The following GP6 variants were observed in gnomAD, a reference collection of about 807,000 sequenced individuals.
GP6 encodes platelet glycoprotein VI.
Under a neutral mutation model 37.3 loss-of-function variants are expected in GP6, and 45 were observed. The ratio of observed to expected loss-of-function variants is 1.21; its 90% CI spans 0.95 to 1.55. GP6 has a LOEUF of 1.55. GP6 is among the 40% of genes most tolerant of loss of function. The probability of loss-of-function intolerance (pLI) is 0.00; values close to 1 mark genes in which losing one functional copy is unlikely to be tolerated. For synonymous variants in GP6, 340 were observed against 316.4 expected (o/e 1.07, Z -0.79); for missense variants, 813 against 760.2 (o/e 1.07, Z -0.82).
At position 55,025,228 on chromosome 19, in the gene GP6, G is replaced by A. The variant is rs539172883; in HGVS notation, c.654C>T (p.Ser218=). ...CCCTGCAGAACCTACCTGCTACCGG[G>A]GAAGGTGGTTCTGTTGGTAACCGGC... is the stretch of plus-strand genomic sequence containing the variant. Residue 218 remains serine, a synonymous_variant, in exon 5 of 8, where the codon TCC becomes TCT. Coordinates refer to ENST00000310373, the MANE Select transcript of GP6 (RefSeq NM_001083899.2). 9.7e-6 allele frequency: 15 copies of A among 1,544,864 alleles called. No individual in the cohort carries two copies. The African/African-American group carries it at 1.9e-4, about 20-fold the overall frequency.
At chr19:55,015,771 A>G (rs752549392) in intron 6 of GP6, 38 bp from the exon 7 acceptor site, 1 of 1,098,634 alleles carries the variant, frequency 9.1e-7, no homozygotes, top group Non-Finnish European at 1.4e-6. Flanking sequence ...AAATGAAACC[A>G]TATTCCCGCC....
At chr19:55,016,609 T>C (rs996720428) in intron 6 of GP6, among the ~76,000 whole-genome samples, 7 of 151,752 alleles carry the variant, frequency 4.6e-5, no homozygotes, top group African/African-American at 1.7e-4. Flanking sequence ...CTCCTGACCT[T>C]GTGATCCGCC....
intron 5 of GP6, among the ~76,000 whole-genome samples, chr19:55,021,016 CA>C (rs2074056838): frequency 7.2e-6 from 1 of 139,534 alleles, no homozygotes; most frequent in Admixed American, 7.7e-5. Flanking sequence ...CATGCCCCTG[CA>C]ATCCAGCCTG....
chr19:55,021,078 C>T (rs1382144479), intron 5 of GP6, among the ~76,000 whole-genome samples: 1 of 131,918 alleles, frequency 7.6e-6, no homozygotes. Flanking sequence ...AAAAAGGTGG[C>T]CCTGGTGCGG....
chr19:55,014,586 T>C lies in GP6; in HGVS notation c.1359A>G (p.Gly453=), dbSNP rs2073780147. ...CCCTGAGAGCTGGGAACCTTAGAGA[T>C]CCGTCTGGAGCCCATATTAGAGAGG... The change falls in exon 8 of 8, where the codon GGA becomes GGG. Residue 453 remains glycine (G), a synonymous_variant. Coordinates refer to ENST00000310373, the MANE Select transcript of GP6 (RefSeq NM_001083899.2). The C allele has an allele frequency of 1.2e-6, 2 of 1,613,240 alleles. No individual in the cohort carries two copies. The highest frequency in any genetic ancestry group is 3.3e-5 in the Admixed American group (2 of 59,938).
At chr19:55,028,803 C>T (rs981903883) in intron 3 of GP6, among the ~76,000 whole-genome samples, 5 of 152,254 alleles carry the variant, frequency 3.3e-5, no homozygotes, top group South Asian at 2.1e-4. Context: ...TGTCATAGAC[C>T]GGTGTGGTGA....
At chr19:55,024,300 G>GCATGCACA (rs1568612731) in intron 5 of GP6, among the ~76,000 whole-genome samples, 1,923 of 121,884 alleles carry the variant, frequency 0.016, 65 homozygotes, top group African/African-American at 0.054. Flanking sequence ...ATGCACGCAT[G>GCATGCACA]CACACACATA....
chr19:55,035,103 G>A (rs145073281), intron 1 of GP6, among the ~76,000 whole-genome samples: 7 of 152,268 alleles, frequency 4.6e-5, no homozygotes, highest in Non-Finnish European at 7.4e-5. Context: ...ATAATCGTAC[G>A]GGTTACCCAC....
chr19:55,021,609 C>T (rs1008466957), intron 5 of GP6, among the ~76,000 whole-genome samples: 19 of 150,604 alleles, frequency 1.3e-4, no homozygotes, highest in Non-Finnish European at 2.2e-4. Context: ...CAACCTCCGC[C>T]TCCCGGGTTC....
chr19:55,020,150 T>C (rs535206030), intron 5 of GP6, among the ~76,000 whole-genome samples: 6 of 151,052 alleles, frequency 4.0e-5, no homozygotes, highest in East Asian at 2.0e-4. Flanking sequence ...ATAATGAGAG[T>C]GTGGGTATTA....
chr19:55,027,605 T>G lies in GP6; in HGVS notation c.583A>C (p.Ser195Arg). ...GTGACCACAAGCTCCAGGGGGTCGCTGGGGGCTGACCACAGGTATGGGTCC... is the reference window on the plus strand; with the variant it reads ...GTGACCACAAGCTCCAGGGGGTCGCGGGGGGCTGACCACAGGTATGGGTCC... The change falls in exon 4 of 8, where the codon AGC becomes CGC. Residue 195 changes from serine to arginine, a missense_variant. Ser to Arg is a moderately radical substitution (Grantham distance 110, BLOSUM62 -1). Coordinates refer to ENST00000310373, the MANE Select transcript of GP6 (RefSeq NM_001083899.2). The G allele has an allele frequency of 6.2e-7, 1 of 1,613,232 alleles. No individual in the cohort carries two copies. The highest frequency in any genetic ancestry group is 8.5e-7 in the Non-Finnish European group (1 of 1,179,256).
chr19:55,020,876 C>T (rs1285049512), intron 5 of GP6, among the ~76,000 whole-genome samples: 1 of 151,078 alleles, frequency 6.6e-6, no homozygotes, highest in Admixed American at 6.6e-5. Context: ...CATGGTGAAA[C>T]TCCCGTCTCT....
intron 1 of GP6, among the ~76,000 whole-genome samples, chr19:55,037,188 A>G (rs2074862556): frequency 6.6e-6 from 1 of 152,132 alleles, no homozygotes; most frequent in Non-Finnish European, 1.5e-5. Context: ...TCAGGAAATA[A>G]TGCATTCGAC....
rs201603906 is a variant in GP6, at chr19:55,014,922, C to T, written c.1023G>A (p.Met341Ile). 8 of 1,613,370 alleles carry T rather than the reference C, an allele frequency of 5.0e-6. No homozygotes were observed. Among genetic ancestry groups the T allele is most frequent in the Non-Finnish European group, 6.8e-6 (8 of 1,179,874 alleles). ...ACGACCGTGCCTGGGGTTCAGCGGTCATGAACATAACCCGCGGCTGTGAAC... is the reference window on the plus strand; with the variant it reads ...ACGACCGTGCCTGGGGTTCAGCGGTTATGAACATAACCCGCGGCTGTGAAC... Residue 341 changes from methionine to isoleucine, a missense_variant, in exon 8 of 8, where the codon ATG becomes ATA. By Grantham distance (10) the Met-to-Ile change is conservative. Transcript: ENST00000310373.
In GP6 at chr19:55,022,280, C is replaced by T. The variant is rs571373097; in HGVS notation, c.664+2938G>A. On this transcript the variant is annotated intron_variant, in intron 5 of 7. Transcript: ENST00000310373. ...TTTCTTCTAGGGTTTTTATAGTTTT[C>T]GGGTTTTGCATCCAAGTCTTTCATC... 7.2e-5 allele frequency among the ~76,000 whole-genome samples: 11 copies of T among 152,202 alleles called. No homozygotes were observed. In the East Asian group the frequency reaches 7.7e-4, roughly 11 times the overall value.
At chr19:55,020,792 T>C (rs545869556) in intron 5 of GP6, among the ~76,000 whole-genome samples, 11 of 152,080 alleles carry the variant, frequency 7.2e-5, no homozygotes, top group Non-Finnish European at 1.0e-4. Context: ...GGCTCACACA[T>C]GTAATCCCAG....
intron 3 of GP6, among the ~76,000 whole-genome samples, chr19:55,030,618 C>T (rs576300084): frequency 2.0e-5 from 3 of 151,560 alleles, no homozygotes; most frequent in Non-Finnish European, 2.9e-5. Flanking sequence ...ACTGGGATTA[C>T]AGGCGTGAGC....
At chr19:55,018,172 G>T (rs1327175586) in intron 6 of GP6, among the ~76,000 whole-genome samples, 2 of 152,234 alleles carry the variant, frequency 1.3e-5, no homozygotes, top group Non-Finnish European at 2.9e-5. Context: ...ATCTGTGAAG[G>T]TGTTTAGTCT....
In GP6 at chr19:55,025,998, CCCA is replaced by C. The variant is rs1439217248; in HGVS notation, c.611-730_611-728del. 1.0e-4 allele frequency among the ~76,000 whole-genome samples: 13 copies of C among 128,352 alleles called. 4 individuals carry two copies. Among genetic ancestry groups the C allele is most frequent in the Non-Finnish European group, 9.8e-5 (6 of 61,000 alleles). 84.2% of individuals were successfully genotyped at this position (128,352 alleles called of 152,430 possible). A position where few individuals can be genotyped will look rare whatever the true frequency, so the allele number is the denominator to read the frequency against. ...GCCTGGGTGACAAAGTGAGACTCCC[CCCA>C]AAAAAAAAAAAAAAAAAAAAAGCAG... On this transcript the variant is annotated intron_variant, in intron 4 of 7. Transcript: ENST00000310373.
Sources: gnomAD v4.1 joint callset for allele counts (sites outside exome capture counted in the v4.1 genomes callset) on GRCh38, gnomAD v4.1.1 for gene constraint, MANE v1.5 for transcripts, NCBI Gene and HGNC (gene_info 2026-07-23, HGNC 2026-07-21) for gene names.